ZNF398: variants seen among roughly 807,000 people sequenced by gnomAD.
ZNF398 encodes zinc finger DNA binding protein ZER6.
Under a neutral mutation model 41.9 loss-of-function variants are expected in ZNF398, and 18 were observed. That is an observed-to-expected ratio of 0.43 (90% CI 0.30 to 0.64). ZNF398 has a LOEUF of 0.64. Among genes scored for constraint, ZNF398 ranks in the 30% least tolerant of loss-of-function variants. The pLI, the probability that ZNF398 is intolerant of heterozygous loss-of-function variation, is 0.14. For synonymous variants in ZNF398, 260 were observed against 308.8 expected (o/e 0.84, Z 1.66); for missense variants, 669 against 822.8 (o/e 0.81, Z 2.29).
rs1216561945 is a variant in ZNF398 at position 149,154,103 on chromosome 7, C to A, written c.183C>A (p.Ser61Arg). 1.2e-6 allele frequency: 2 copies of A among 1,613,918 alleles called. No homozygotes were observed. The highest frequency in any genetic ancestry group is 1.3e-5 in the African/African-American group (1 of 74,912). ...QAIERKVEIH[S>R]RRLLHLEGRT... ...TAGAGAGGAAGGTGGAGATCCACAG[C>A]CGGCGACTCCTACACCTGGAAGGTC... is the stretch of plus-strand genomic sequence containing the variant. Residue 61 changes from serine (S) to arginine (R), a missense_variant, in exon 2 of 6, where the codon AGC (serine) becomes AGA (arginine). Transcript: ENST00000475153.
intron 5 of ZNF398, 77 bp from the exon 6 acceptor site, chr7:149,178,571 A>G (rs1457742260): frequency 1.6e-6 from 2 of 1,241,080 alleles, no homozygotes; most frequent in Non-Finnish European, 2.3e-6. Context: ...GTGATCTGTT[A>G]GAGCTGGGTA....
chr7:149,149,674 C>CAA (rs139870006), intron 1 of ZNF398, among the ~76,000 whole-genome samples: 1,820 of 149,828 alleles, frequency 0.012, 20 homozygotes, highest in Non-Finnish European at 0.018. Flanking sequence ...CCCATCTCTA[C>CAA]AAAAAAAATT....
In ZNF398 at chr7:149,141,447, C is replaced by CTTTTTTTTTTT. The variant is rs35331670; in HGVS notation, c.-489-12490_-489-12489insTTTTTTTTTTT. Reference sequence around the variant, plus strand: ...AGTAGCTAGGATTACAGCTACTTTTCTTTTTTTTCTTTTTTTTTTTTTTTT... The same window carrying CTTTTTTTTTTT: ...AGTAGCTAGGATTACAGCTACTTTTCTTTTTTTTTTTTTTTTTTTCTTTTTTTTTTTTTTTT... On this transcript the variant is annotated intron_variant, in intron 2 of 6. Coordinates refer to the ZNF398 transcript ENST00000426851. Among the ~76,000 whole-genome samples, 15 of 116,808 alleles carry CTTTTTTTTTTT rather than the reference C, an allele frequency of 1.3e-4. 3 individuals carry two copies. The highest frequency in any genetic ancestry group is 1.0e-3 in the East Asian group (3 of 2,954). The allele number at this position is 116,808 out of a possible 152,430, so 76.6% of individuals were successfully genotyped here.
upstream of ZNF398, among the ~76,000 whole-genome samples, chr7:149,143,466 G>C (rs1031714374): frequency 3.9e-5 from 6 of 152,202 alleles, no homozygotes; most frequent in Non-Finnish European, 8.8e-5. Flanking sequence ...AAATTGGTGT[G>C]CATATGCAGG....
At chr7:149,146,620 G>A (rs1437432866), upstream of ZNF398, among the ~76,000 whole-genome samples, 1 of 151,826 alleles carries the variant, frequency 6.6e-6, no homozygotes, top group African/African-American at 2.4e-5. Context: ...AGGCCAAGGC[G>A]GGTGGATCAT....
chr7:149,142,289 CAAT>C (rs1464190431), intron 2 of ZNF398, among the ~76,000 whole-genome samples: 3 of 152,004 alleles, frequency 2.0e-5, no homozygotes, highest in Non-Finnish European at 4.4e-5. Flanking sequence ...AAAAATGCTG[CAAT>C]AAAATATTGA....
At chr7:149,172,504 G>C (rs186065924) in intron 4 of ZNF398, among the ~76,000 whole-genome samples, 2 of 152,170 alleles carry the variant, frequency 1.3e-5, no homozygotes, top group East Asian at 3.9e-4. Flanking sequence ...AGTAATGGTG[G>C]CAATTCAGAT....
chr7:149,140,617 C>T (rs1012291628), intron 2 of ZNF398, among the ~76,000 whole-genome samples: 1 of 152,066 alleles, frequency 6.6e-6, no homozygotes, highest in African/African-American at 2.4e-5. Flanking sequence ...CTCCTGACCT[C>T]GGGTGATCCA....
At chr7:149,135,409 A>AGG (rs1378388200) in intron 2 of ZNF398, among the ~76,000 whole-genome samples, 59 of 148,802 alleles carry the variant, frequency 4.0e-4, no homozygotes, top group African/African-American at 1.4e-3. Context: ...AAAAAAAAAA[A>AGG]AAGAAAGAAA....
rs1253321525 is a variant in ZNF398 at position 149,180,376 on chromosome 7, CA to C, written c.*577del. 1 of 152,234 alleles carries C rather than the reference CA, an allele frequency of 6.6e-6. No individual in the cohort carries two copies. The highest frequency in any genetic ancestry group is 6.5e-5 in the Admixed American group (1 of 15,280). The allele number at this position is 152,234 out of a possible 1,614,324, so 9.4% of individuals were successfully genotyped here. A position where few individuals can be genotyped will look rare whatever the true frequency, so the allele number is the denominator to read the frequency against. On this transcript the variant is annotated 3_prime_UTR_variant, in exon 6 of 6. Transcript: ENST00000475153. ...TGTCTTTCCCTGAAACATGGTAACT[CA>C]AGACTGCCTGCCTAGGTTTCTTAGA...
In ZNF398 at chr7:149,165,362, C is replaced by T. The variant is rs371281770; in HGVS notation, c.421-796C>T. Among the ~76,000 whole-genome samples the T allele has an allele frequency of 1.8e-4, 27 of 152,278 alleles. No homozygotes were observed. In the East Asian group the frequency reaches 5.2e-3, roughly 29 times the overall value. ...AAAAGCATATGCTTCATGAATGTAT[C>T]TCAGGGAAATGTACAGTCAAGCTAA... On this transcript the variant is annotated intron_variant, in intron 2 of 5. Transcript: ENST00000475153.
upstream of ZNF398, among the ~76,000 whole-genome samples, chr7:149,142,748 G>C (rs1468369): frequency 0.58 from 88,597 of 152,126 alleles, 27,405 homozygotes; most frequent in East Asian, 0.9. Flanking sequence ...ATACAGAGGA[G>C]CAATTATTAA....
intron 5 of ZNF398, among the ~76,000 whole-genome samples, chr7:149,178,083 A>G (rs1348730729): frequency 1.3e-5 from 2 of 152,134 alleles, no homozygotes; most frequent in African/African-American, 4.8e-5. Flanking sequence ...TGAGGTCAGG[A>G]GATCGAGACC....
intron 2 of ZNF398, among the ~76,000 whole-genome samples, chr7:149,157,053 C>T (rs1794995340): frequency 6.6e-6 from 1 of 151,988 alleles, no homozygotes; most frequent in South Asian, 2.1e-4. Flanking sequence ...CTCTTAACCA[C>T]GTTAGGTTTA....
At chr7:149,160,622 T>C (rs1795088839) in intron 2 of ZNF398, among the ~76,000 whole-genome samples, 2 of 152,214 alleles carry the variant, frequency 1.3e-5, no homozygotes, top group Non-Finnish European at 2.9e-5. Context: ...CATATTCCCC[T>C]TTGGGGCAGA....
chr7:149,135,855 G>A (rs930252328), intron 2 of ZNF398, among the ~76,000 whole-genome samples: 5 of 151,952 alleles, frequency 3.3e-5, no homozygotes, highest in Non-Finnish European at 5.9e-5. Flanking sequence ...TACTCAAGAG[G>A]CTGAGCATGA....
intron 5 of ZNF398, among the ~76,000 whole-genome samples, chr7:149,178,153 G>A (rs1048488096): frequency 1.3e-5 from 2 of 152,038 alleles, no homozygotes; most frequent in Admixed American, 6.6e-5. Flanking sequence ...TTAGTTGGGC[G>A]TAGTGGCGGG....
chr7:149,179,835 C>G lies in ZNF398; in HGVS notation c.*34C>G. On this transcript the variant is annotated 3_prime_UTR_variant, in exon 6 of 6. Transcript: ENST00000475153. This position sits in a 1 kb window ranked among gnomAD's most constrained non-coding sequence, Gnocchi z 6.1. Reference sequence around the variant, plus strand: ...CTCTGTGGCTTCATGCTTGTATATGCTCACAGCAGGGCACAAAATCCAAGA... The same window carrying G: ...CTCTGTGGCTTCATGCTTGTATATGGTCACAGCAGGGCACAAAATCCAAGA... The G allele has an allele frequency of 6.6e-7, 1 of 1,521,504 alleles. No individual in the cohort carries two copies. Among genetic ancestry groups the G allele is most frequent in the Non-Finnish European group, 8.8e-7 (1 of 1,132,618 alleles). 94.3% of individuals were successfully genotyped at this position (1,521,504 alleles called of 1,614,324 possible).
intron 2 of ZNF398, among the ~76,000 whole-genome samples, chr7:149,137,197 G>T (rs1008498236): frequency 6.6e-6 from 1 of 151,944 alleles, no homozygotes; most frequent in Non-Finnish European, 1.5e-5. Context: ...TCTGTAAAAA[G>T]TCAGTCGTCC....
Sources: gnomAD v4.1 joint callset for allele counts (sites outside exome capture counted in the v4.1 genomes callset) on GRCh38, gnomAD v4.1.1 for gene constraint, Gnocchi (gnomAD v3.1) non-coding constraint, MANE v1.5 for transcripts, NCBI Gene and HGNC (gene_info 2026-07-23, HGNC 2026-07-21) for gene names.